COL26A1: variants seen among roughly 807,000 people sequenced by gnomAD.
COL26A1 encodes collagen type XXVI alpha 1 chain.
Under a neutral mutation model 59.3 loss-of-function variants are expected in COL26A1, and 41 were observed. That is an observed-to-expected ratio of 0.69 (90% CI 0.54 to 0.90). The LOEUF is 0.90. COL26A1 is among the 40% of genes least tolerant of loss of function. COL26A1 has a pLI of 0.00. For synonymous variants in COL26A1, 266 were observed against 256.0 expected (o/e 1.04, Z -0.37); for missense variants, 612 against 602.3 (o/e 1.02, Z -0.17).
chr7:101,548,958 G>C (rs894409777), intron 8 of COL26A1, among the ~76,000 whole-genome samples: 2 of 152,198 alleles, frequency 1.3e-5, no homozygotes, highest in South Asian at 4.1e-4. Context: ...GGGAGGAGGA[G>C]GTGTGGGAGC....
chr7:101,434,912 A>AG, intron 2 of COL26A1, among the ~76,000 whole-genome samples: 1 of 129,656 alleles, frequency 7.7e-6, no homozygotes, highest in Non-Finnish European at 1.7e-5. Flanking sequence ...GACATGTTCA[A>AG]AGATTCACAG....
chr7:101,489,671 TCCTTC>T lies in COL26A1; in HGVS notation c.385+41886_385+41890del, dbSNP rs1389323396. Reference sequence around the variant, plus strand: ...TTTCTTTCTTTCTTTCTTCCTTCCTTCCTTCCTTCCTTTCTTTCTTTCTTTCTGTC... The same window carrying T: ...TTTCTTTCTTTCTTTCTTCCTTCCTTCTTCCTTTCTTTCTTTCTTTCTGTC... On this transcript the variant is annotated intron_variant, in intron 3 of 12. Coordinates refer to ENST00000313669, the MANE Select transcript of COL26A1 (RefSeq NM_001278563.3). Among the ~76,000 whole-genome samples, 213 of 51,370 alleles carry T rather than the reference TCCTTC, an allele frequency of 4.1e-3. 13 individuals are homozygous for T. Among genetic ancestry groups the T allele is most frequent in the African/African-American group, 7.2e-3 (36 of 5,008 alleles). 33.7% of individuals were successfully genotyped at this position (51,370 alleles called of 152,430 possible). A position where few individuals can be genotyped will look rare whatever the true frequency, so the allele number is the denominator to read the frequency against.
intron 3 of COL26A1, among the ~76,000 whole-genome samples, chr7:101,507,597 G>T (rs1794839118): frequency 6.6e-6 from 1 of 152,016 alleles, no homozygotes; most frequent in African/African-American, 2.4e-5. Context: ...TTTAGTGTTT[G>T]TAATAGAGAT....
Position 101,460,762 on chromosome 7 carries a change from TAGAG to T in COL26A1, c.385+12981_385+12984del, listed in dbSNP as rs763208378. Among the ~76,000 whole-genome samples, 24 of 150,078 alleles carry T rather than the reference TAGAG, an allele frequency of 1.6e-4. No homozygotes were observed. In the East Asian group the frequency reaches 4.5e-3, roughly 28 times the overall value. On this transcript the variant is annotated intron_variant, in intron 3 of 12. Transcript: ENST00000313669. ...TGTCACTGCACTCCAGCCTGGGTGA[TAGAG>T]AGAGACTCCATCTCAGGAAGAAAAA...
intron 1 of COL26A1, among the ~76,000 whole-genome samples, chr7:101,372,984 G>A (rs957066796): frequency 1.3e-5 from 2 of 152,180 alleles, no homozygotes; most frequent in Non-Finnish European, 2.9e-5. Context: ...GACAGAGCAA[G>A]AGCAGACCAT....
chr7:101,544,874 C>G (rs371355817), intron 6 of COL26A1, among the ~76,000 whole-genome samples: 3 of 152,102 alleles, frequency 2.0e-5, no homozygotes, highest in Non-Finnish European at 4.4e-5. Flanking sequence ...GCATGAGCAT[C>G]GAGGCTGTCA....
chr7:101,473,135 A>G (rs1290878012), intron 3 of COL26A1, among the ~76,000 whole-genome samples: 1 of 150,002 alleles, frequency 6.7e-6, no homozygotes, highest in Non-Finnish European at 1.5e-5. Flanking sequence ...GCTGGAGTGC[A>G]GTGGCACAAT....
At chr7:101,425,644 G>A (rs1207659333) in intron 2 of COL26A1, among the ~76,000 whole-genome samples, 1 of 148,602 alleles carries the variant, frequency 6.7e-6, no homozygotes, top group Non-Finnish European at 1.5e-5. Flanking sequence ...CTACAGGTGT[G>A]CATCAGGACA....
chr7:101,494,863 G>A (rs150546151), intron 3 of COL26A1, among the ~76,000 whole-genome samples: 14 of 152,300 alleles, frequency 9.2e-5, no homozygotes, highest in African/African-American at 2.4e-4. Flanking sequence ...GGTTGGAAGC[G>A]AGACCCTCTC....
intron 1 of COL26A1, among the ~76,000 whole-genome samples, chr7:101,413,602 C>G (rs1470996242): frequency 1.3e-5 from 2 of 152,106 alleles, no homozygotes; most frequent in African/African-American, 4.8e-5. Flanking sequence ...TGTTTGGGAG[C>G]AGATCCGTCC....
At chr7:101,394,672 T>C (rs143254523) in intron 1 of COL26A1, among the ~76,000 whole-genome samples, 1,837 of 146,644 alleles carry the variant, frequency 0.013, 33 homozygotes, top group African/African-American at 0.043. Flanking sequence ...ATCCTCCTGC[T>C]TCCACCTCCC....
At chr7:101,387,167 TC>T (rs2117043407) in intron 1 of COL26A1, among the ~76,000 whole-genome samples, 1 of 152,068 alleles carries the variant, frequency 6.6e-6, no homozygotes, top group South Asian at 2.1e-4. Flanking sequence ...AAGCTGACAC[TC>T]CCAAGAGCTG....
At chr7:101,414,095 G>C (rs1792312493) in intron 1 of COL26A1, among the ~76,000 whole-genome samples, 1 of 152,172 alleles carries the variant, frequency 6.6e-6, no homozygotes. Flanking sequence ...ACAGGCTTTA[G>C]AGCTCCATCT....
chr7:101,472,713 C>T (rs17135437), intron 3 of COL26A1, among the ~76,000 whole-genome samples: 4,559 of 152,284 alleles, frequency 0.03, 186 homozygotes, highest in African/African-American at 0.1. Context: ...ACCATCAAAT[C>T]GCATTTACGA....
At chr7:101,367,531 G>A (rs535066199) in intron 1 of COL26A1, among the ~76,000 whole-genome samples, 1 of 95,592 alleles carries the variant, frequency 1.0e-5, no homozygotes, top group East Asian at 3.6e-4. Flanking sequence ...CGGGCGTGGT[G>A]GTGCACACCG....
chr7:101,537,350 G>A (rs1296574216), intron 4 of COL26A1, among the ~76,000 whole-genome samples: 1 of 152,324 alleles, frequency 6.6e-6, no homozygotes, highest in Admixed American at 6.5e-5. Context: ...AGTCACAGAA[G>A]CCTCAGAGTC....
intron 7 of COL26A1, 107 bp downstream of exon 7, chr7:101,545,597 A>G (rs1795720098): frequency 8.2e-7 from 1 of 1,217,774 alleles, no homozygotes; most frequent in Non-Finnish European, 1.1e-6. Context: ...CCACATGCCC[A>G]TCCTGCTGCA....
Position 101,539,877 on chromosome 7 carries a change from A to G in COL26A1, c.448-16A>G. On this transcript the variant is annotated splice_polypyrimidine_tract_variant and intron_variant, in intron 4 of 12. Coordinates refer to ENST00000313669, the MANE Select transcript of COL26A1 (RefSeq NM_001278563.3). Reference sequence around the variant, plus strand: ...AGGCCCAACTGGGACCTGACTCTCTATCTCCTTTGGCCCAGGTCCTCCTGC... The same window carrying G: ...AGGCCCAACTGGGACCTGACTCTCTGTCTCCTTTGGCCCAGGTCCTCCTGC... 1 of 1,604,592 alleles carries G rather than the reference A, an allele frequency of 6.2e-7. No homozygotes were observed.
intron 3 of COL26A1, among the ~76,000 whole-genome samples, chr7:101,531,903 A>G (rs1795377877): frequency 6.6e-6 from 1 of 152,100 alleles, no homozygotes. Flanking sequence ...TGTGGGCTGC[A>G]GTTCTCACCT....
Sources: allele counts gnomAD v4.1 joint callset (sites outside exome capture counted in the v4.1 genomes callset), GRCh38; gene constraint gnomAD v4.1.1; transcripts MANE v1.5; gene names NCBI Gene and HGNC (gene_info 2026-07-23, HGNC 2026-07-21).